Variants in HMGCLL1 observed in about 807,000 individuals in gnomAD.
HMGCLL1 encodes 3-hydroxymethyl-3-methylglutaryl-CoA lyase, cytoplasmic.
A neutral mutation model predicts 39.1 loss-of-function variants in HMGCLL1; 36 were observed. That is an observed-to-expected ratio of 0.92 (90% CI 0.71 to 1.22). HMGCLL1 has a LOEUF of 1.22. Among genes scored for constraint, HMGCLL1 ranks in the 50% most tolerant of loss-of-function variants. The pLI, the probability that HMGCLL1 is intolerant of heterozygous loss-of-function variation, is 0.00. For missense variants in HMGCLL1, 451 were observed against 416.5 expected, an observed-to-expected ratio of 1.08 and a Z score of -0.72; for synonymous variants, 149 against 144.0, an observed-to-expected ratio of 1.03 and a Z score of -0.25.
At chr6:55,562,527 C>A (rs546943777) in intron 1 of HMGCLL1, among the ~76,000 whole-genome samples, 1 of 152,088 alleles carries the variant, frequency 6.6e-6, no homozygotes, top group Admixed American at 6.6e-5. Context: ...TGCCCTGGAA[C>A]GGTCTCCTTT....
At chr6:55,480,234 G>A (rs1195751059) in intron 7 of HMGCLL1, among the ~76,000 whole-genome samples, 2 of 151,220 alleles carry the variant, frequency 1.3e-5, no homozygotes, top group African/African-American at 2.5e-5. Flanking sequence ...CATTTGACAG[G>A]GATTAATAAC....
intron 3 of HMGCLL1, among the ~76,000 whole-genome samples, chr6:55,538,299 C>T (rs577290053): frequency 6.6e-6 from 1 of 152,122 alleles, no homozygotes; most frequent in Non-Finnish European, 1.5e-5. Flanking sequence ...CAATATTCAT[C>T]AAATAATATT....
chr6:55,584,350 T>C, the HMGCLL1 span, among the ~76,000 whole-genome samples: 13 of 152,278 alleles, frequency 8.5e-5, no homozygotes, highest in South Asian at 2.7e-3. Flanking sequence ...ACTCAGAGCC[T>C]GAGGATCTCA....
At chr6:55,665,827 G>C in the HMGCLL1 span, among the ~76,000 whole-genome samples, 3 of 151,670 alleles carry the variant, frequency 2.0e-5, no homozygotes, top group Non-Finnish European at 2.9e-5. Flanking sequence ...CTCAAGATAA[G>C]TAGATGAAAC....
In HMGCLL1 at chr6:55,453,156, T is replaced by C. The variant is rs532973033; in HGVS notation, c.796-13597A>G. Reference sequence around the variant, plus strand: ...TGCCAAGCATGTACTAAGAAGTTTGTTGTTGTTGTTGTTGTTTGTTGTTGG... The same window carrying C: ...TGCCAAGCATGTACTAAGAAGTTTGCTGTTGTTGTTGTTGTTTGTTGTTGG... On this transcript the variant is annotated intron_variant, in intron 7 of 8. Coordinates refer to ENST00000274901, the MANE Select transcript of HMGCLL1 (RefSeq NM_001042406.2). 2.0e-5 allele frequency among the ~76,000 whole-genome samples: 3 copies of C among 151,198 alleles called. No individual in the cohort carries two copies. The South Asian group carries it at 6.3e-4, about 31-fold the overall frequency.
At chr6:55,556,199 G>A (rs527607276) in intron 1 of HMGCLL1, among the ~76,000 whole-genome samples, 7 of 151,674 alleles carry the variant, frequency 4.6e-5, no homozygotes, top group African/African-American at 1.7e-4. Context: ...ACAGACAATA[G>A]CAAAAAACAA....
At chr6:55,483,827 G>A (rs1418297837) in intron 7 of HMGCLL1, among the ~76,000 whole-genome samples, 4 of 152,114 alleles carry the variant, frequency 2.6e-5, no homozygotes, top group African/African-American at 9.7e-5. Flanking sequence ...GGATTGTCAT[G>A]AGGACAACAT....
the HMGCLL1 span, among the ~76,000 whole-genome samples, chr6:55,628,156 T>TATATAAAATAA: frequency 5.7e-5 from 1 of 17,460 alleles, no homozygotes; most frequent in African/African-American, 2.9e-4. Context: ...ATATATATAA[T>TATATAAAATAA]ATATATATAG....
chr6:55,643,630 C>G, the HMGCLL1 span, among the ~76,000 whole-genome samples: 1 of 151,952 alleles, frequency 6.6e-6, no homozygotes, highest in Non-Finnish European at 1.5e-5. Flanking sequence ...CCATTCCCAA[C>G]CTGTGGTGAC....
chr6:55,658,419 C>G, the HMGCLL1 span, among the ~76,000 whole-genome samples: 1 of 151,922 alleles, frequency 6.6e-6, no homozygotes, highest in African/African-American at 2.4e-5. Context: ...CCTCCACCCC[C>G]AACCCAGTGC....
chr6:55,531,863 A>G (rs941641444), intron 3 of HMGCLL1, among the ~76,000 whole-genome samples: 1 of 152,140 alleles, frequency 6.6e-6, no homozygotes, highest in African/African-American at 2.4e-5. Context: ...TCATCCCCAT[A>G]TGGGACTGTC....
At chr6:55,554,091 A>G (rs1234335870) in intron 1 of HMGCLL1, among the ~76,000 whole-genome samples, 1 of 152,202 alleles carries the variant, frequency 6.6e-6, no homozygotes, top group Non-Finnish European at 1.5e-5. Flanking sequence ...GAGAGCTCGT[A>G]TTCAAAACCT....
Position 55,450,963 on chromosome 6 carries a change from T to C in HMGCLL1, c.796-11404A>G, listed in dbSNP as rs115613126. On this transcript the variant is annotated intron_variant, in intron 7 of 8. Transcript: ENST00000274901. ...ATAACCAATCTCAAAAACACAGTAA[T>C]TGAGTTCATTGGCTGAGAGTCATAC... 2.5e-3 allele frequency among the ~76,000 whole-genome samples: 384 copies of C among 152,238 alleles called. 1 individual carries two copies. Among genetic ancestry groups the C allele is most frequent in the African/African-American group, 8.7e-3 (363 of 41,532 alleles).
At chr6:55,638,725 T>C in the HMGCLL1 span, among the ~76,000 whole-genome samples, 1 of 152,172 alleles carries the variant, frequency 6.6e-6, no homozygotes, top group Non-Finnish European at 1.5e-5. Context: ...TGACAGGAGA[T>C]ATGCCAAGTG....
At chr6:55,605,592 A>G in the HMGCLL1 span, among the ~76,000 whole-genome samples, 1 of 152,140 alleles carries the variant, frequency 6.6e-6, no homozygotes, top group East Asian at 1.9e-4. Context: ...GCTTAGGATT[A>G]TACTTCTTAT....
chr6:55,632,056 A>C, the HMGCLL1 span, among the ~76,000 whole-genome samples: 1 of 152,100 alleles, frequency 6.6e-6, no homozygotes, highest in African/African-American at 2.4e-5. Flanking sequence ...TGTTTTTAAA[A>C]TTTTTAAGTG....
chr6:55,662,297 C>T, the HMGCLL1 span, among the ~76,000 whole-genome samples: 5 of 151,760 alleles, frequency 3.3e-5, no homozygotes, highest in Non-Finnish European at 5.9e-5. Flanking sequence ...AGCTTTTGCC[C>T]ATTCAGTTTG....
intron 5 of HMGCLL1, chr6:55,513,741 T>C (rs1767586729): frequency 2.7e-6 from 1 of 365,262 alleles, no homozygotes; most frequent in Non-Finnish European, 4.8e-6. Flanking sequence ...TATCAGCACA[T>C]GTAGGCTGAG....
intron 1 of HMGCLL1, among the ~76,000 whole-genome samples, chr6:55,542,351 G>C (rs1191414498): frequency 6.6e-6 from 1 of 152,050 alleles, no homozygotes; most frequent in African/African-American, 2.4e-5. Context: ...ATTTAGTCTA[G>C]TTATGATTAA....
Sources: allele counts gnomAD v4.1 joint callset (sites outside exome capture counted in the v4.1 genomes callset), GRCh38; gene constraint gnomAD v4.1.1; transcripts MANE v1.5; gene names NCBI Gene and HGNC (gene_info 2026-07-23, HGNC 2026-07-21).